Variants in CASK observed in about 807,000 individuals in gnomAD.
CASK encodes peripheral plasma membrane protein CASK.
CASK carries 4 observed loss-of-function variants against 82.9 expected under a neutral mutation model. That is an observed-to-expected ratio of 0.05 (90% CI 0.02 to 0.11). The LOEUF is 0.11. Among genes scored for constraint, CASK ranks in the 10% least tolerant of loss-of-function variants. The pLI is 1.00. For synonymous variants in CASK, 259 were observed against 253.5 expected (o/e 1.02, Z -0.20); for missense variants, 358 against 720.9 (o/e 0.50, Z 5.76).
chrX:41,577,217 C>T (rs760089677), intron 15 of CASK, among the ~76,000 whole-genome samples: 1 of 112,206 alleles, frequency 8.9e-6, no homozygotes, highest in South Asian at 3.7e-4. Context: ...TGTGCTTGAT[C>T]TTTGCTTCTC....
At chrX:41,613,729 C>T (rs1453389347) in intron 11 of CASK, among the ~76,000 whole-genome samples, 1 of 108,441 alleles carries the variant, frequency 9.2e-6, no homozygotes, top group African/African-American at 3.4e-5. Context: ...AACATATATG[C>T]AAACTCCGGA....
At chrX:41,652,466 G>A (rs2066878779) in intron 8 of CASK, among the ~76,000 whole-genome samples, 1 of 112,037 alleles carries the variant, frequency 8.9e-6, no homozygotes, top group Non-Finnish European at 1.9e-5. Context: ...AATGGCGTAA[G>A]GGCTATCTTT....
At chrX:41,690,662 AT>A (rs111335059) in intron 5 of CASK, among the ~76,000 whole-genome samples, 146 of 85,756 alleles carry the variant, frequency 1.7e-3, no homozygotes, top group Middle Eastern at 8.1e-3. Context: ...CTCCCGGCCA[AT>A]TTTTTTTTTT....
intron 5 of CASK, among the ~76,000 whole-genome samples, chrX:41,722,471 T>C (rs2068183812): frequency 8.9e-6 from 1 of 112,772 alleles, no homozygotes; most frequent in African/African-American, 3.2e-5. Context: ...CTGTGTGACC[T>C]TGGGCAACTT....
intron 1 of CASK, among the ~76,000 whole-genome samples, chrX:41,860,470 T>C (rs2071457289): frequency 1.8e-5 from 2 of 112,443 alleles, no homozygotes; most frequent in Admixed American, 1.9e-4. Context: ...TTCAACACTA[T>C]TTAGTGTAGT....
chrX:41,825,852 C>T (rs1268676840), intron 2 of CASK, among the ~76,000 whole-genome samples: 1 of 112,278 alleles, frequency 8.9e-6, no homozygotes, highest in Non-Finnish European at 1.9e-5. Flanking sequence ...AAACAGCCTG[C>T]CTGAAATAAT....
chrX:41,651,359 A>C (rs975285199), intron 8 of CASK, among the ~76,000 whole-genome samples: 20 of 112,037 alleles, frequency 1.8e-4, no homozygotes, highest in Admixed American at 1.7e-3. Flanking sequence ...TATATCTGGG[A>C]GGGCAAAACA....
chrX:41,544,866 A>G (rs1317672890), intron 21 of CASK, among the ~76,000 whole-genome samples: 1 of 111,354 alleles, frequency 9.0e-6, no homozygotes, highest in East Asian at 2.8e-4. Flanking sequence ...ACACCACTGC[A>G]CTCCAGCCTG....
chrX:41,912,716 T>C (rs1273804826), intron 1 of CASK, among the ~76,000 whole-genome samples: 1 of 105,694 alleles, frequency 9.5e-6, no homozygotes, highest in Non-Finnish European at 1.9e-5. Context: ...GCAGGAGGAC[T>C]GCTTGAGGCC....
chrX:41,837,558 T>C (rs2070949984), intron 2 of CASK, among the ~76,000 whole-genome samples: 1 of 112,323 alleles, frequency 8.9e-6, no homozygotes, highest in South Asian at 3.7e-4. Context: ...TCTATAATTT[T>C]ATCACTTTGA....
intron 3 of CASK, 200 bp downstream of exon 3, chrX:41,786,978 A>T: frequency 2.4e-6 from 1 of 411,892 alleles, no homozygotes; most frequent in Non-Finnish European, 4.3e-6. Context: ...AAGCATGAAG[A>T]GTAACTGAAT....
chrX:41,671,389 C>T (rs751349329), intron 6 of CASK, 39 bp downstream of exon 6: 2 of 848,623 alleles, frequency 2.4e-6, no homozygotes, highest in African/African-American at 4.1e-5. Flanking sequence ...CGCAAGTGAC[C>T]AGGTTTTGAA....
rs1325247313 is a variant in CASK, at chrX:41,678,259, G to T, written c.430-6729C>A. ...TCTGTACATTGCATTTGATGACTATGTCTTGTGAGTGTCTCTTACTCTGTA... is the reference window on the plus strand; with the variant it reads ...TCTGTACATTGCATTTGATGACTATTTCTTGTGAGTGTCTCTTACTCTGTA... On this transcript the variant is annotated intron_variant, in intron 5 of 26. Coordinates refer to ENST00000378163, the MANE Select transcript of CASK (RefSeq NM_001367721.1). Among the ~76,000 whole-genome samples, 4 of 111,288 alleles carry T rather than the reference G, an allele frequency of 3.6e-5. No individual in the cohort carries two copies. The South Asian group carries it at 1.1e-3, about 31-fold the overall frequency.
At chrX:41,676,457 G>T in intron 5 of CASK, 1 of 1,196,943 alleles carries the variant, frequency 8.4e-7, no homozygotes. Context: ...AGCCTGCTCG[G>T]CCAGTTTGGC....
At chrX:41,548,231 T>A (rs2065049986) in intron 21 of CASK, among the ~76,000 whole-genome samples, 1 of 111,786 alleles carries the variant, frequency 8.9e-6, no homozygotes, top group Non-Finnish European at 1.9e-5. Flanking sequence ...TGATTGGTTT[T>A]CAAATGCTGA....
At chrX:41,892,222 ATTTTTTT>A (rs753034665) in intron 1 of CASK, among the ~76,000 whole-genome samples, 1 of 90,316 alleles carries the variant, frequency 1.1e-5, no homozygotes, top group African/African-American at 4.0e-5. Context: ...TTCAACGAGA[ATTTTTTT>A]TTTTTTTTTT....
At chrX:41,897,830 T>A (rs1249907706) in intron 1 of CASK, among the ~76,000 whole-genome samples, 1 of 112,141 alleles carries the variant, frequency 8.9e-6, no homozygotes, top group Non-Finnish European at 1.9e-5. Context: ...GTACCAAGCA[T>A]GCATGATTTT....
chrX:41,587,044 T>C (rs2065667962), intron 13 of CASK, 57 bp from the exon 14 acceptor site: 6 of 680,227 alleles, frequency 8.8e-6, no homozygotes, highest in Non-Finnish European at 1.4e-5. Context: ...TTACAAAATG[T>C]TAAATTCTTT....
chrX:41,589,699 G>A, intron 12 of CASK, 107 bp from the exon 13 acceptor site: 1 of 566,070 alleles, frequency 1.8e-6, no homozygotes, highest in Non-Finnish European at 3.0e-6. Context: ...TAAAAAGGCA[G>A]GCTGATGATT....
Sources: gnomAD v4.1 joint callset for allele counts (sites outside exome capture counted in the v4.1 genomes callset) on GRCh38, gnomAD v4.1.1 for gene constraint, MANE v1.5 for transcripts, NCBI Gene and HGNC (gene_info 2026-07-23, HGNC 2026-07-21) for gene names.